The following PCYT1A variants were observed in gnomAD, a reference collection of about 807,000 sequenced individuals.
The protein encoded by PCYT1A is choline-phosphate cytidylyltransferase A.
PCYT1A carries 25 observed loss-of-function variants against 43.7 expected under a neutral mutation model. The ratio of observed to expected loss-of-function variants is 0.57; its 90% CI spans 0.42 to 0.80. PCYT1A has a LOEUF of 0.80. Ranked by LOEUF, PCYT1A falls within the 30% of genes least tolerant of loss-of-function variation. The pLI is 0.00. For synonymous variants in PCYT1A, 172 were observed against 170.7 expected (o/e 1.01, Z -0.06); for missense variants, 421 against 474.2 (o/e 0.89, Z 1.04).
intron 2 of PCYT1A, 138 bp from the exon 3 acceptor site, chr3:196,258,025 G>T: frequency 1.8e-6 from 1 of 555,314 alleles, no homozygotes; most frequent in Non-Finnish European, 3.2e-6. Context: ...CGTTATTCCC[G>T]CCTGTAATCC....
chr3:196,239,877 T>C, intron 7 of PCYT1A, 142 bp from the exon 8 acceptor site: 1 of 627,408 alleles, frequency 1.6e-6, no homozygotes, highest in Non-Finnish European at 2.9e-6. Flanking sequence ...TACCCCACTC[T>C]CAGCATAATA....
chr3:196,241,410 A>G (rs57987393), intron 7 of PCYT1A: 199,271 of 715,270 alleles, frequency 0.28, 30,832 homozygotes, highest in East Asian at 0.76. Context: ...CTGGTCTCAA[A>G]CTCCTGGCCT....
intron 2 of PCYT1A, among the ~76,000 whole-genome samples, chr3:196,264,551 T>G (rs960117859): frequency 3.3e-5 from 5 of 152,204 alleles, no homozygotes. Context: ...ACCCTTTTGA[T>G]GACGCTTTTC....
intron 7 of PCYT1A, among the ~76,000 whole-genome samples, chr3:196,241,124 T>C (rs1487861962): frequency 1.1e-5 from 1 of 90,658 alleles, no homozygotes; most frequent in African/African-American, 4.4e-5. Context: ...CAAAACCCCA[T>C]CTCTGCTAAA....
chr3:196,242,756 CA>C lies in PCYT1A; in HGVS notation c.487-117del. 1.4e-6 allele frequency: 1 copy of C among 716,840 alleles called. No homozygotes were observed. The highest frequency in any genetic ancestry group is 2.6e-6 in the Non-Finnish European group (1 of 392,148). The allele number at this position is 716,840 out of a possible 1,614,324, so 44.4% of individuals were successfully genotyped here. A position where few individuals can be genotyped will look rare whatever the true frequency, so the allele number is the denominator to read the frequency against. On this transcript the variant is annotated intron_variant, in intron 5 of 8. Coordinates refer to ENST00000431016, the MANE Select transcript of PCYT1A (RefSeq NM_001312673.2). The surrounding 1 kb of genome is among the most constrained non-coding windows in gnomAD (Gnocchi z 4.2). The stretch of plus-strand genomic sequence containing the variant: ...GCAGAGGCCAGGCCTCAGTGGACTT[CA>C]TATCTCTCTTTGCTTTGCTCATAAA...
intron 1 of PCYT1A, chr3:196,283,546 C>A (rs1223721690): frequency 6.6e-6 from 1 of 151,944 alleles, no homozygotes; most frequent in African/African-American, 2.4e-5. Context: ...ATGCTGCAAA[C>A]GTAAAAAGGT....
chr3:196,270,501 C>A lies in PCYT1A; in HGVS notation c.31G>T (p.Ala11Ser), dbSNP rs1292608628. Residue 11 changes from alanine (A) to serine (S), a missense_variant, in exon 2 of 9, where the codon GCA (alanine) becomes TCA (serine). Ala to Ser is a moderately conservative substitution (Grantham distance 99). Around this residue, in one of 3 missense-constraint regions of PCYT1A, gnomAD observed 139 missense variants for 117.7 expected, o/e 1.18. Transcript: ENST00000431016. The part of the protein sequence containing the change: MDAQCSAKVN[A>S]RKRRKEAPGP... ...GGCGCCTCTTTTCTCCTCTTCCTTGCATTGACCTTGGCTGAACACTGTGCA... is the reference window on the plus strand; with the variant it reads ...GGCGCCTCTTTTCTCCTCTTCCTTGAATTGACCTTGGCTGAACACTGTGCA... The A allele has an allele frequency of 6.2e-7, 1 of 1,613,994 alleles. No individual in the cohort carries two copies. Among genetic ancestry groups the A allele is most frequent in the African/African-American group, 1.3e-5 (1 of 74,936 alleles).
chr3:196,241,856 A>T (rs1294400928), intron 7 of PCYT1A, 92 bp downstream of exon 7: 1 of 1,467,558 alleles, frequency 6.8e-7, no homozygotes, highest in Non-Finnish European at 9.5e-7. Flanking sequence ...TGATCATCAA[A>T]GCCAACTGCA....
In PCYT1A at chr3:196,255,360, G is replaced by A. The variant is rs548195863; in HGVS notation, c.217+2428C>T. Among the ~76,000 whole-genome samples, 20 of 152,246 alleles carry A rather than the reference G, an allele frequency of 1.3e-4. 1 individual carries two copies. The highest frequency in any genetic ancestry group is 1.0e-3 in the South Asian group (5 of 4,830). On this transcript the variant is annotated intron_variant, in intron 3 of 8. Transcript: ENST00000431016. Reference sequence around the variant, plus strand: ...TGCAATTCTATTCCACTAATCATCCGTTTTACTGTAGGGGAAGCCTTCGCT... The same window carrying A: ...TGCAATTCTATTCCACTAATCATCCATTTTACTGTAGGGGAAGCCTTCGCT...
intron 3 of PCYT1A, among the ~76,000 whole-genome samples, chr3:196,251,806 A>G (rs1724797618): frequency 6.6e-6 from 1 of 152,264 alleles, no homozygotes; most frequent in African/African-American, 2.4e-5. Flanking sequence ...GTGGCCTGTT[A>G]TAGGGATACC....
At chr3:196,266,646 T>G (rs1725282844) in intron 2 of PCYT1A, among the ~76,000 whole-genome samples, 1 of 151,936 alleles carries the variant, frequency 6.6e-6, no homozygotes, top group Admixed American at 6.6e-5. Flanking sequence ...TCCCAGCACT[T>G]CGGGAGGTTG....
chr3:196,255,888 A>G (rs918621492), intron 3 of PCYT1A, among the ~76,000 whole-genome samples: 8 of 152,186 alleles, frequency 5.3e-5, no homozygotes, highest in African/African-American at 1.4e-4. Flanking sequence ...AATAGCCTCT[A>G]CTATCACATC....
At chr3:196,286,500 A>C (rs973623126) in intron 1 of PCYT1A, among the ~76,000 whole-genome samples, 2 of 152,242 alleles carry the variant, frequency 1.3e-5, no homozygotes, top group African/African-American at 4.8e-5. Context: ...GAGATGTACA[A>C]AATCTATTTT....
At chr3:196,241,805 C>T (rs1207260690) in intron 7 of PCYT1A, 143 bp downstream of exon 7, 1 of 1,201,766 alleles carries the variant, frequency 8.3e-7, no homozygotes, top group Admixed American at 2.0e-5. Flanking sequence ...TTTTTGTGAA[C>T]AGTTAACATA....
At chr3:196,275,345 AC>A (rs1394678744) in intron 1 of PCYT1A, among the ~76,000 whole-genome samples, 1 of 152,236 alleles carries the variant, frequency 6.6e-6, no homozygotes, top group Non-Finnish European at 1.5e-5. Flanking sequence ...AAAGAGTGGA[AC>A]TCACAGAAGT....
intron 2 of PCYT1A, among the ~76,000 whole-genome samples, chr3:196,262,700 A>G (rs1484884396): frequency 6.6e-6 from 1 of 152,102 alleles, no homozygotes; most frequent in African/African-American, 2.4e-5. Context: ...TGGCATCCAC[A>G]CTAACAGGAA....
At chr3:196,257,457 C>A (rs1032368673) in intron 3 of PCYT1A, among the ~76,000 whole-genome samples, 4 of 152,134 alleles carry the variant, frequency 2.6e-5, no homozygotes, top group East Asian at 1.9e-4. Flanking sequence ...GAATGTGACA[C>A]CCTGACACAT....
rs1725350643 is a variant in PCYT1A at position 196,268,844 on chromosome 3, CAG to C, written c.117+1569_117+1570del. 6.6e-6 allele frequency among the ~76,000 whole-genome samples: 1 copy of C among 152,026 alleles called. No homozygotes were observed. The highest frequency in any genetic ancestry group is 1.5e-5 in the Non-Finnish European group (1 of 67,978). ...AAATAAAAATAGTAAAGAGGCTTTG[CAG>C]ATATGATTAAATAAAGGAAGATTAT... On this transcript the variant is annotated intron_variant, in intron 2 of 8. Transcript: ENST00000431016. The surrounding 1 kb of genome is among the most constrained non-coding windows in gnomAD (Gnocchi z 4.4).
chr3:196,254,538 A>G (rs1724898521), intron 3 of PCYT1A, among the ~76,000 whole-genome samples: 1 of 151,928 alleles, frequency 6.6e-6, no homozygotes, highest in Admixed American at 6.6e-5. Context: ...TTTTGTAGAG[A>G]TGGGATCTCA....
Sources: allele counts gnomAD v4.1 joint callset (sites outside exome capture counted in the v4.1 genomes callset), GRCh38; gene constraint gnomAD v4.1.1; regional missense constraint gnomAD v4.1.1; non-coding constraint Gnocchi (gnomAD v3.1); transcripts MANE v1.5; gene names NCBI Gene and HGNC (gene_info 2026-07-23, HGNC 2026-07-21).